LRRC8E: variants seen among roughly 807,000 people sequenced by gnomAD.
LRRC8E encodes leucine rich repeat containing 8 VRAC subunit E, also known as volume-regulated anion channel subunit LRRC8E.
Under a neutral mutation model 6.1 loss-of-function variants are expected in LRRC8E, and 6 were observed. The observed-to-expected ratio is 0.98, with a 90% confidence interval of 0.54 to 1.93. The LOEUF is 1.93. Ranked by LOEUF, LRRC8E falls within the 30% of genes most tolerant of loss-of-function variation. The pLI is 0.01. For missense variants in LRRC8E, 1,028 were observed against 1,031.4 expected, an observed-to-expected ratio of 1.00 and a Z score of 0.04; for synonymous variants, 485 against 472.8, an observed-to-expected ratio of 1.03 and a Z score of -0.33.
Position 7,900,014 on chromosome 19 carries a change from G to T in LRRC8E, c.1492G>T (p.Glu498Ter), listed in dbSNP as rs753534988. The T allele has an allele frequency of 1.2e-6, 2 of 1,609,854 alleles. No individual in the cohort carries two copies. The highest frequency in any genetic ancestry group is 2.2e-5 in the South Asian group (2 of 90,800). The change falls in exon 3 of 3, where the codon GAG becomes TAG. Residue 498 changes from glutamate to a stop codon, truncating the protein, a stop_gained. Transcript: ENST00000306708. LOFTEE classifies it low-confidence loss of function (END_TRUNC). The surrounding 1 kb of genome is among the most constrained non-coding windows in gnomAD (Gnocchi z 5.0). ...GCGCGTCAAATGCGAGGAGCTCCGC[G>T]AGGTGCCGCTTTGGGTGTTTGGGCT... Reference protein sequence around the residue: ...VMRVKCEELREVPLWVFGLRG... With the variant: ...VMRVKCEELR
At chr19:7,894,288 C>T (rs933761407) in intron 1 of LRRC8E, among the ~76,000 whole-genome samples, 2 of 152,168 alleles carry the variant, frequency 1.3e-5, no homozygotes, top group African/African-American at 2.4e-5. Context: ...TGCAGTGGCA[C>T]GGTCTCACTT....
At position 7,899,166 on chromosome 19, in the gene LRRC8E, C is replaced by T; in HGVS notation, c.644C>T (p.Thr215Ile). 1 of 1,613,954 alleles carries T rather than the reference C, an allele frequency of 6.2e-7. No individual in the cohort carries two copies. Among genetic ancestry groups the T allele is most frequent in the Non-Finnish European group, 8.5e-7 (1 of 1,179,900 alleles). ...KVLAEPEKVV[T>I]EPPVVTLLDK... is the part of the protein sequence containing the mutation. ...CTGGCGGAACCGGAGAAGGTGGTGA[C>T]CGAGCCTCCAGTTGTCACCCTGTTG... Residue 215 changes from threonine to isoleucine, a missense_variant, in exon 3 of 3, where the codon ACC (threonine) becomes ATC (isoleucine). Thr to Ile is a moderately conservative substitution (Grantham distance 89). Transcript: ENST00000306708.
Position 7,900,699 on chromosome 19 carries a change from C to G in LRRC8E, c.2177C>G (p.Thr726Arg). Residue 726 changes from threonine to arginine, a missense_variant, in exon 3 of 3, where the codon ACG (threonine) becomes AGG (arginine). Thr to Arg is a moderately conservative substitution (Grantham distance 71). Coordinates refer to ENST00000306708, the MANE Select transcript of LRRC8E (RefSeq NM_025061.6). The surrounding 1 kb of genome is among the most constrained non-coding windows in gnomAD (Gnocchi z 5.0). ...CTCTTCTTCTGCCGCAAGCTGCGGA[C>G]GTTGCTTCTGGGCGACAACCAGCTG... Reference protein sequence around the residue: ...EELFFCRKLRTLLLGDNQLSQ... With the variant: ...EELFFCRKLRRLLLGDNQLSQ... 6.2e-7 allele frequency: 1 copy of G among 1,613,406 alleles called. No individual in the cohort carries two copies. The highest frequency in any genetic ancestry group is 8.5e-7 in the Non-Finnish European group (1 of 1,180,024).
chr19:7,899,453 A>G lies in LRRC8E; in HGVS notation c.931A>G (p.Lys311Glu), dbSNP rs770381548. Residue 311 changes from lysine to glutamate, a missense_variant, in exon 3 of 3, where the codon AAG becomes GAG. Lys to Glu is a moderately conservative substitution (Grantham distance 56, BLOSUM62 1). Transcript: ENST00000306708. ...CCACACCAAGGCCCACCTCTTCTCC[A>G]AGCTGGCCTTCTGTTACATCTCCTT... is the stretch of plus-strand genomic sequence containing the variant. Reference protein sequence around the residue: ...CNHTKAHLFSKLAFCYISFVC... With the variant: ...CNHTKAHLFSELAFCYISFVC... The G allele has an allele frequency of 6.2e-7, 1 of 1,614,148 alleles. No homozygotes were observed. Among genetic ancestry groups the G allele is most frequent in the Non-Finnish European group, 8.5e-7 (1 of 1,180,024 alleles).
At chr19:7,896,244 CTTTTT>C (rs935835512) in intron 2 of LRRC8E, among the ~76,000 whole-genome samples, 10 of 145,216 alleles carry the variant, frequency 6.9e-5, no homozygotes, top group Non-Finnish European at 1.5e-4. Context: ...CTGACCCTTT[CTTTTT>C]TTTTCTTTTT....
At position 7,898,008 on chromosome 19, in the gene LRRC8E, G is replaced by A. The variant is rs188770128; in HGVS notation, c.139-653G>A. On this transcript the variant is annotated intron_variant, in intron 2 of 2. Transcript: ENST00000306708. ...GGGGATCACTTGAGGCCAGGAGTTC[G>A]AGAGCAGCCTGGCCAACATGGTGAA... Among the ~76,000 whole-genome samples the A allele has an allele frequency of 1.0e-3, 155 of 152,006 alleles. 2 individuals are homozygous for A. Among genetic ancestry groups the A allele is most frequent in the African/African-American group, 3.4e-3 (140 of 41,456 alleles).
At chr19:7,888,808 G>A (rs1981150974) in intron 1 of LRRC8E, among the ~76,000 whole-genome samples, 1 of 152,160 alleles carries the variant, frequency 6.6e-6, no homozygotes, top group African/African-American at 2.4e-5. Flanking sequence ...CCCGTCCTGG[G>A]AGCCAGGCAG....
intron 1 of LRRC8E, among the ~76,000 whole-genome samples, chr19:7,890,645 C>T (rs1253302415): frequency 5.9e-5 from 9 of 151,970 alleles, no homozygotes; most frequent in East Asian, 2.0e-4. Context: ...AAAAATTAGC[C>T]GGGCGAGGTG....
chr19:7,900,935 G>C lies in LRRC8E; in HGVS notation c.*22G>C. 3 of 1,498,506 alleles carry C rather than the reference G, an allele frequency of 2.0e-6. No homozygotes were observed. The highest frequency in any genetic ancestry group is 2.7e-6 in the Non-Finnish European group (3 of 1,123,960). The allele number at this position is 1,498,506 out of a possible 1,614,324, so 92.8% of individuals were successfully genotyped here. On this transcript the variant is annotated 3_prime_UTR_variant, in exon 3 of 3. Transcript: ENST00000306708. The surrounding 1 kb of genome is among the most constrained non-coding windows in gnomAD (Gnocchi z 5.0). ...ATGAAGCTGGGGTGGGGCCGTTTTA[G>C]GTAGAGCCTTAAAAATGCTTCTGCC... is the stretch of plus-strand genomic sequence containing the variant.
Position 7,900,433 on chromosome 19 carries a change from G to A in LRRC8E, c.1911G>A (p.Leu637=). Residue 637 remains leucine (L), a synonymous_variant, in exon 3 of 3, where the codon CTG becomes CTA. Coordinates refer to ENST00000306708, the MANE Select transcript of LRRC8E (RefSeq NM_025061.6). This position sits in a 1 kb window ranked among gnomAD's most constrained non-coding sequence, Gnocchi z 5.0. ...GCCGGAAGCTGGTCACGCTCAGGCT[G>A]TGGCACAACCAGATCGCCTACGTCC... ...QHCRKLVTLR[L]WHNQIAYVPE... 6.2e-7 allele frequency: 1 copy of A among 1,612,992 alleles called. No homozygotes were observed. The highest frequency in any genetic ancestry group is 8.5e-7 in the Non-Finnish European group (1 of 1,179,960).
At chr19:7,897,909 TCAGA>T (rs1037473556) in intron 2 of LRRC8E, among the ~76,000 whole-genome samples, 21 of 152,192 alleles carry the variant, frequency 1.4e-4, no homozygotes, top group African/African-American at 4.3e-4. Context: ...GCTCCTTTTC[TCAGA>T]CAAAGACCAG....
At position 7,901,028 on chromosome 19, in the gene LRRC8E, C is replaced by A; in HGVS notation, c.*115C>A. Reference sequence around the variant, plus strand: ...GGTCCAGGCCAGGAGATGGGGGGGGCGGGGGCAGCTGTGTCATCTTTCTGG... The same window carrying A: ...GGTCCAGGCCAGGAGATGGGGGGGGAGGGGGCAGCTGTGTCATCTTTCTGG... On this transcript the variant is annotated 3_prime_UTR_variant, in exon 3 of 3. Transcript: ENST00000306708. 2 of 427,262 alleles carry A rather than the reference C, an allele frequency of 4.7e-6. No individual in the cohort carries two copies. The highest frequency in any genetic ancestry group is 7.6e-6 in the Non-Finnish European group (2 of 262,664). 26.5% of individuals were successfully genotyped at this position (427,262 alleles called of 1,614,324 possible). A position where few individuals can be genotyped will look rare whatever the true frequency, so the allele number is the denominator to read the frequency against.
At chr19:7,889,698 G>A (rs370036146) in intron 1 of LRRC8E, among the ~76,000 whole-genome samples, 21 of 151,468 alleles carry the variant, frequency 1.4e-4, no homozygotes, top group Non-Finnish European at 2.4e-4. Flanking sequence ...AGCTATGATC[G>A]TGCCACTGAA....
rs200734320 is a variant in LRRC8E at position 7,900,580 on chromosome 19, T to C, written c.2058T>C (p.Asn686=). 92 of 1,613,238 alleles carry C rather than the reference T, an allele frequency of 5.7e-5. No homozygotes were observed. The East Asian group carries it at 1.4e-3, about 25-fold the overall frequency. Residue 686 remains asparagine (N), a synonymous_variant, in exon 3 of 3, where the codon AAT becomes AAC. Coordinates refer to ENST00000306708, the MANE Select transcript of LRRC8E (RefSeq NM_025061.6). The surrounding 1 kb of genome is among the most constrained non-coding windows in gnomAD (Gnocchi z 5.0). ...TCCGTCTGCTGGATGTGTCCCACAA[T>C]GGGCTACACTCCCTGCCACCCGAGG... The part of the protein sequence containing the change: ...SGLRLLDVSH[N]GLHSLPPEVG...
At position 7,895,667 on chromosome 19, in the gene LRRC8E, C is replaced by T; in HGVS notation, c.64C>T (p.Pro22Ser). The part of the protein sequence containing the change: ...EQQPAFKVLK[P>S]WWDVLAEYLT... ...GCAGCCTGCGTTCAAGGTGCTCAAA[C>T]CCTGGTGGGACGTGCTGGCCGAGTA... is the stretch of plus-strand genomic sequence containing the variant. The change falls in exon 2 of 3, where the codon CCC becomes TCC. Residue 22 changes from proline to serine, a missense_variant. Coordinates refer to ENST00000306708, the MANE Select transcript of LRRC8E (RefSeq NM_025061.6). The surrounding 1 kb of genome is among the most constrained non-coding windows in gnomAD (Gnocchi z 4.7). The T allele has an allele frequency of 6.2e-7, 1 of 1,614,152 alleles. No homozygotes were observed. Among genetic ancestry groups the T allele is most frequent in the African/African-American group, 1.3e-5 (1 of 75,058 alleles).
At chr19:7,892,410 A>G (rs1325166653) in intron 1 of LRRC8E, among the ~76,000 whole-genome samples, 7 of 151,076 alleles carry the variant, frequency 4.6e-5, no homozygotes, top group Non-Finnish European at 1.0e-4. Flanking sequence ...GGGTCTGACT[A>G]TGTTGTCCTG....
At chr19:7,896,424 A>G (rs1423683736) in intron 2 of LRRC8E, among the ~76,000 whole-genome samples, 1 of 149,596 alleles carries the variant, frequency 6.7e-6, no homozygotes, top group Non-Finnish European at 1.5e-5. Context: ...AGACACAAAT[A>G]TTAGCCAGGC....
intron 2 of LRRC8E, among the ~76,000 whole-genome samples, chr19:7,896,592 T>C (rs969149167): frequency 3.3e-5 from 5 of 150,920 alleles, no homozygotes; most frequent in Non-Finnish European, 7.4e-5. Context: ...TAAAATAAAA[T>C]AATTGAAAAT....
In LRRC8E at chr19:7,895,678, C is replaced by T. The variant is rs375166872; in HGVS notation, c.75C>T (p.Asp25=). The T allele has an allele frequency of 9.9e-6, 16 of 1,613,990 alleles. No homozygotes were observed. In the Admixed American group the frequency reaches 1.0e-4, roughly 10 times the overall value. Residue 25 remains aspartate (D), a synonymous_variant, in exon 2 of 3, where the codon GAC becomes GAT. Transcript: ENST00000306708. This position sits in a 1 kb window ranked among gnomAD's most constrained non-coding sequence, Gnocchi z 4.7. ...PAFKVLKPWW[D]VLAEYLTVAM... ...TCAAGGTGCTCAAACCCTGGTGGGA[C>T]GTGCTGGCCGAGTACCTCACCGTGG...
Sources: gnomAD v4.1 joint callset for allele counts (sites outside exome capture counted in the v4.1 genomes callset) on GRCh38, gnomAD v4.1.1 for gene constraint, Gnocchi (gnomAD v3.1) non-coding constraint, MANE v1.5 for transcripts, NCBI Gene and HGNC (gene_info 2026-07-23, HGNC 2026-07-21) for gene names.